The following MAGEL2 variants were observed in gnomAD, a reference collection of about 807,000 sequenced individuals.
The protein encoded by MAGEL2 is MAGE-like protein 2.
For missense variants in MAGEL2, 1,830 were observed against 1,699.2 expected, an observed-to-expected ratio of 1.08 and a Z score of -1.35; for synonymous variants, 792 against 721.7, an observed-to-expected ratio of 1.10 and a Z score of -1.56.
In MAGEL2 at chr15:23,647,577, C is replaced by A; in HGVS notation, c.166G>T (p.Ala56Ser). The A allele has an allele frequency of 6.5e-7, 1 of 1,536,062 alleles. No individual in the cohort carries two copies. The highest frequency in any genetic ancestry group is 8.7e-7 in the Non-Finnish European group (1 of 1,146,722). Residue 56 changes from alanine (A) to serine (S), a missense_variant, in exon 1 of 1, where the codon GCC (alanine) becomes TCC (serine). Physicochemically the swap from Ala to Ser is moderately conservative, Grantham distance 99. Coordinates refer to ENST00000650528, the MANE Select transcript of MAGEL2 (RefSeq NM_019066.5). ...PPPIDLQASL[A>S]AWQAPQPAWE... The stretch of plus-strand genomic sequence containing the variant: ...GCAGGCTGAGGTGCCTGCCAAGCGG[C>A]CAATGAAGCCTGCAAGTCAATTGGA...
At position 23,644,684 on chromosome 15, in the gene MAGEL2, A is replaced by G. The variant is rs1419289644; in HGVS notation, c.3059T>C (p.Leu1020Ser). The G allele has an allele frequency of 3.7e-6, 6 of 1,613,696 alleles. No homozygotes were observed. Among genetic ancestry groups the G allele is most frequent in the Non-Finnish European group, 4.2e-6 (5 of 1,179,856 alleles). Residue 1020 changes from leucine (L) to serine (S), a missense_variant, in exon 1 of 1, where the codon TTG becomes TCG. Coordinates refer to ENST00000650528, the MANE Select transcript of MAGEL2 (RefSeq NM_019066.5). ...CACCAACGCATTTGCCCTCTCATCCAAGGGAGACAAGGGCTGTGCCTCCAC... is the reference window on the plus strand; with the variant it reads ...CACCAACGCATTTGCCCTCTCATCCGAGGGAGACAAGGGCTGTGCCTCCAC... ...SKVEAQPLSP[L>S]DERANALVQF...
rs905538109 is a variant in MAGEL2 at position 23,646,335 on chromosome 15, G to C, written c.1408C>G (p.Pro470Ala). The C allele has an allele frequency of 7.3e-7, 1 of 1,376,014 alleles. No individual in the cohort carries two copies. The highest frequency in any genetic ancestry group is 1.7e-5 in the South Asian group (1 of 57,676). The allele number at this position is 1,376,014 out of a possible 1,614,324, so 85.2% of individuals were successfully genotyped here. A position where few individuals can be genotyped will look rare whatever the true frequency, so the allele number is the denominator to read the frequency against. The change falls in exon 1 of 1, where the codon CCT becomes GCT. Residue 470 changes from proline (P) to alanine (A), a missense_variant. Pro to Ala is a conservative substitution (Grantham distance 27). Transcript: ENST00000650528. This position sits in a 1 kb window ranked among gnomAD's most constrained non-coding sequence, Gnocchi z 4.2. The part of the protein sequence containing the change: ...QAPAVIRQAP[P>A]VIRQAPPVIR... ...ACAGGTGGGGCCTGGCGGATCACAG[G>C]TGGGGCCTGGCGGATCACAGCGGGG...
Position 23,644,998 on chromosome 15 carries a change from C to A in MAGEL2, c.2745G>T (p.Glu915Asp), listed in dbSNP as rs781054761. The change falls in exon 1 of 1, where the codon GAG (glutamate) becomes GAT (aspartate). Residue 915 changes from glutamate (E) to aspartate (D), a missense_variant. Coordinates refer to ENST00000650528, the MANE Select transcript of MAGEL2 (RefSeq NM_019066.5). ...FHDWQGPRPW[E>D]NLNLSDWEVQ... ...CCTCCCAGTCACTCAGATTTAGATT[C>A]TCCCAGGGCCTTGGGCCCTGCCAGT... is the stretch of plus-strand genomic sequence containing the variant. 9.3e-6 allele frequency: 15 copies of A among 1,613,932 alleles called. No individual in the cohort carries two copies. Among genetic ancestry groups the A allele is most frequent in the Admixed American group, 1.7e-5 (1 of 60,026 alleles).
chr15:23,646,510 C>T lies in MAGEL2; in HGVS notation c.1233G>A (p.Gln411=), dbSNP rs1890409092. ...VTWQVPPPMR[Q]GPPPIRPGPP... is the part of the protein sequence containing the mutation. ...GGCCAGGGCGGATGGGCGGGGGCCC[C>T]TGGCGCATGGGCGGCGGCACCTGCC... Residue 411 remains glutamine, a synonymous_variant, in exon 1 of 1, where the codon CAG becomes CAA. Transcript: ENST00000650528. This position sits in a 1 kb window ranked among gnomAD's most constrained non-coding sequence, Gnocchi z 4.2. 6 of 1,460,358 alleles carry T rather than the reference C, an allele frequency of 4.1e-6. No homozygotes were observed. The highest frequency in any genetic ancestry group is 2.9e-5 in the African/African-American group (2 of 70,144). The allele number at this position is 1,460,358 out of a possible 1,614,324, so 90.5% of individuals were successfully genotyped here.
chr15:23,646,371 T>A lies in MAGEL2; in HGVS notation c.1372A>T (p.Ile458Phe). 1 of 1,378,016 alleles carries A rather than the reference T, an allele frequency of 7.3e-7. No homozygotes were observed. Among genetic ancestry groups the A allele is most frequent in the Admixed American group, 3.6e-5 (1 of 27,860 alleles). The allele number at this position is 1,378,016 out of a possible 1,614,324, so 85.4% of individuals were successfully genotyped here. ...CGGATCACAGCGGGGGCCTGGCGGA[T>A]CACGGGTGGGGCCTGGCGGATCACG... Reference protein sequence around the residue: ...PPVIRQAPPVIRQAPAVIRQA... With the variant: ...PPVIRQAPPVFRQAPAVIRQA... Residue 458 changes from isoleucine (I) to phenylalanine (F), a missense_variant, in exon 1 of 1, where the codon ATC (isoleucine) becomes TTC (phenylalanine). Physicochemically the swap from Ile to Phe is conservative, Grantham distance 21. Coordinates refer to ENST00000650528, the MANE Select transcript of MAGEL2 (RefSeq NM_019066.5). This position sits in a 1 kb window ranked among gnomAD's most constrained non-coding sequence, Gnocchi z 4.2.
chr15:23,646,502 G>T lies in MAGEL2; in HGVS notation c.1241C>A (p.Pro414Gln), dbSNP rs1454628861. Residue 414 changes from proline (P) to glutamine (Q), a missense_variant, in exon 1 of 1, where the codon CCG becomes CAG. Physicochemically the swap from Pro to Gln is moderately conservative, Grantham distance 76 (BLOSUM62 -1). Coordinates refer to ENST00000650528, the MANE Select transcript of MAGEL2 (RefSeq NM_019066.5). The surrounding 1 kb of genome is among the most constrained non-coding windows in gnomAD (Gnocchi z 4.2). ...GGGTGGTGGGCCAGGGCGGATGGGCGGGGGCCCCTGGCGCATGGGCGGCGG... is the reference window on the plus strand; with the variant it reads ...GGGTGGTGGGCCAGGGCGGATGGGCTGGGGCCCCTGGCGCATGGGCGGCGG... Reference protein sequence around the residue: ...QVPPPMRQGPPPIRPGPPPIR... With the variant: ...QVPPPMRQGPQPIRPGPPPIR... 3 of 1,457,386 alleles carry T rather than the reference G, an allele frequency of 2.1e-6. No homozygotes were observed. Among genetic ancestry groups the T allele is most frequent in the African/African-American group, 1.4e-5 (1 of 70,120 alleles). 90.3% of individuals were successfully genotyped at this position (1,457,386 alleles called of 1,614,324 possible).
chr15:23,645,501 C>G lies in MAGEL2; in HGVS notation c.2242G>C (p.Asp748His), dbSNP rs1197402236. The G allele has an allele frequency of 1.2e-6, 2 of 1,613,852 alleles. No homozygotes were observed. The highest frequency in any genetic ancestry group is 1.7e-6 in the Non-Finnish European group (2 of 1,179,884). ...AAGGTGGCAGCAAAGATCATGCGGT[C>G]TTTTGAAGGGGCCCTGCGCTCCTTC... ...SSKERRAPSK[D>H]RMIFAATFCA... Residue 748 changes from aspartate to histidine, a missense_variant, in exon 1 of 1, where the codon GAC becomes CAC. Asp to His is a moderately conservative substitution (Grantham distance 81). Coordinates refer to ENST00000650528, the MANE Select transcript of MAGEL2 (RefSeq NM_019066.5).
In MAGEL2 at chr15:23,645,262, A is replaced by C; in HGVS notation, c.2481T>G (p.Cys827Trp). The C allele has an allele frequency of 6.2e-7, 1 of 1,613,956 alleles. No individual in the cohort carries two copies. The highest frequency in any genetic ancestry group is 8.5e-7 in the Non-Finnish European group (1 of 1,179,882). The change falls in exon 1 of 1, where the codon TGT becomes TGG. Residue 827 changes from cysteine (C) to tryptophan (W), a missense_variant. By Grantham distance (215) the Cys-to-Trp change is radical (BLOSUM62 -2). Coordinates refer to ENST00000650528, the MANE Select transcript of MAGEL2 (RefSeq NM_019066.5). ...ATGGAACTGCAGGCAGGGCCTCTAC[A>C]CAGGCAAAGGGATCCTGCAGAGCAT... ...LPYALQDPFA[C>W]VEALPAVPWV... is the part of the protein sequence containing the mutation.
Position 23,644,938 on chromosome 15 carries a change from C to T in MAGEL2, c.2805G>A (p.Glu935=). Residue 935 remains glutamate, a synonymous_variant, in exon 1 of 1, where the codon GAG becomes GAA. Transcript: ENST00000650528. ...TCAGGCCACGGGGGGTGTTTGGGTG[C>T]TCCCAGTCACCCGAGACCTGGATAG... ...QSPIQVSGDW[E]HPNTPRGLSG... is the part of the protein sequence containing the mutation. 6.2e-7 allele frequency: 1 copy of T among 1,613,570 alleles called. No homozygotes were observed. The highest frequency in any genetic ancestry group is 1.1e-5 in the South Asian group (1 of 91,088).
chr15:23,647,269 T>C lies in MAGEL2; in HGVS notation c.474A>G (p.Pro158=), dbSNP rs750481560. Residue 158 remains proline, a synonymous_variant, in exon 1 of 1, where the codon CCA becomes CCG. Coordinates refer to ENST00000650528, the MANE Select transcript of MAGEL2 (RefSeq NM_019066.5). ...TCCCCGGAGGAGGAGGATGGGCCAT[T>C]GGGGTCCCCGGAGGGGGAGGGTGGG... ...PMSHPPPPGT[P]MAHPPPPGTP... 62 of 1,504,458 alleles carry C rather than the reference T, an allele frequency of 4.1e-5. No individual in the cohort carries two copies. The highest frequency in any genetic ancestry group is 7.7e-5 in the African/African-American group (5 of 65,332). 93.2% of individuals were successfully genotyped at this position (1,504,458 alleles called of 1,614,324 possible). A position where few individuals can be genotyped will look rare whatever the true frequency, so the allele number is the denominator to read the frequency against.
In MAGEL2 at chr15:23,644,026, G is replaced by T. The variant is rs1385124258; in HGVS notation, c.3717C>A (p.Ala1239=). 1.2e-6 allele frequency: 2 copies of T among 1,608,604 alleles called. No homozygotes were observed. The highest frequency in any genetic ancestry group is 1.7e-5 in the Admixed American group (1 of 59,662). ...GAGGGGGCCTGCTGGTGGGGCCGTG[G>T]GCACTGTCACCGGTGTCAGGTTCAT... ...DEDEPDTGDS[A]HGPTSRPPPR Residue 1239 remains alanine, a synonymous_variant, in exon 1 of 1, where the codon GCC becomes GCA. Transcript: ENST00000650528.
rs371613799 is a variant in MAGEL2 at position 23,644,615 on chromosome 15, C to T, written c.3128G>A (p.Arg1043His). The change falls in exon 1 of 1, where the codon CGC becomes CAC. Residue 1043 changes from arginine (R) to histidine (H), a missense_variant. By Grantham distance (29) the Arg-to-His change is conservative (BLOSUM62 0). Coordinates refer to ENST00000650528, the MANE Select transcript of MAGEL2 (RefSeq NM_019066.5). Reference sequence around the variant, plus strand: ...GAGGATGACTTTCACCATCTCCGAGCGCTGGACAGGCACCTTGGCTTGGTC... The same window carrying T: ...GAGGATGACTTTCACCATCTCCGAGTGCTGGACAGGCACCTTGGCTTGGTC... ...VKDQAKVPVQRSEMVKVILRE... is the reference protein window; with the variant it reads ...VKDQAKVPVQHSEMVKVILRE... The T allele has an allele frequency of 1.1e-5, 17 of 1,613,748 alleles. No individual in the cohort carries two copies. In the African/African-American group the frequency reaches 1.7e-4, roughly 16 times the overall value.
Position 23,644,152 on chromosome 15 carries a change from G to A in MAGEL2, c.3591C>T (p.Val1197=). 1 of 1,613,992 alleles carries A rather than the reference G, an allele frequency of 6.2e-7. No individual in the cohort carries two copies. Among genetic ancestry groups the A allele is most frequent in the Non-Finnish European group, 8.5e-7 (1 of 1,179,896 alleles). ...TATGGAGCTTGGCCAAAAACCTCAG[G>A]ACAAGCATCTTGCTGGTTTCCAGGA... ...RAFLETSKML[V]LRFLAKLHKK... The change falls in exon 1 of 1, where the codon GTC becomes GTT. Residue 1197 remains valine (V), a synonymous_variant. Transcript: ENST00000650528.
In MAGEL2 at chr15:23,646,396, G is replaced by GGGTGGGGCCTGGCGGATCACC. The variant is rs1566784728; in HGVS notation, c.1326_1346dup (p.Pro456_Pro462dup). On this transcript the variant is annotated inframe_insertion, in exon 1 of 1. Coordinates refer to ENST00000650528, the MANE Select transcript of MAGEL2 (RefSeq NM_019066.5). The surrounding 1 kb of genome is among the most constrained non-coding windows in gnomAD (Gnocchi z 4.2). ...TCACGGGTGGGGCCTGGCGGATCAC[G>GGGTGGGGCCTGGCGGATCACC]GGTGGGGCCTGGCGGATCACCGGTG... is the stretch of plus-strand genomic sequence containing the variant. The GGGTGGGGCCTGGCGGATCACC allele has an allele frequency of 6.5e-6, 9 of 1,377,970 alleles. No individual in the cohort carries two copies. The highest frequency in any genetic ancestry group is 3.6e-5 in the Admixed American group (1 of 28,012). 85.4% of individuals were successfully genotyped at this position (1,377,970 alleles called of 1,614,324 possible).
rs146970674 is a variant in MAGEL2 at position 23,645,462 on chromosome 15, C to T, written c.2281G>A (p.Ala761Thr). ...IFAATFCAPKAVSAARAHLPA... is the reference protein window; with the variant it reads ...IFAATFCAPKTVSAARAHLPA... ...AGGTGTGCTCGCGCAGCTGACACTG[C>T]CTTGGGAGCACAGAAGGTGGCAGCA... The change falls in exon 1 of 1, where the codon GCA becomes ACA. Residue 761 changes from alanine (A) to threonine (T), a missense_variant. By Grantham distance (58) the Ala-to-Thr change is moderately conservative. Transcript: ENST00000650528. 2 of 1,613,958 alleles carry T rather than the reference C, an allele frequency of 1.2e-6. No individual in the cohort carries two copies. The highest frequency in any genetic ancestry group is 2.2e-5 in the East Asian group (1 of 44,874).
rs772958890 is a variant in MAGEL2 at position 23,645,600 on chromosome 15, T to A, written c.2143A>T (p.Met715Leu). ...GCCCTGCATTCTCCTGATGGAGTCATCAATGATTTAGCGGAGCCCAGGGGA... is the reference window on the plus strand; with the variant it reads ...GCCCTGCATTCTCCTGATGGAGTCAACAATGATTTAGCGGAGCCCAGGGGA... Reference protein sequence around the residue: ...NFPLGSAKSLMTPSGECRASS... With the variant: ...NFPLGSAKSLLTPSGECRASS... Residue 715 changes from methionine (M) to leucine (L), a missense_variant, in exon 1 of 1, where the codon ATG becomes TTG. Physicochemically the swap from Met to Leu is conservative, Grantham distance 15 (BLOSUM62 2). Coordinates refer to ENST00000650528, the MANE Select transcript of MAGEL2 (RefSeq NM_019066.5). 3 of 1,603,262 alleles carry A rather than the reference T, an allele frequency of 1.9e-6. No individual in the cohort carries two copies. In the South Asian group the frequency reaches 3.4e-5, roughly 18 times the overall value.
chr15:23,645,130 G>A lies in MAGEL2; in HGVS notation c.2613C>T (p.Ala871=), dbSNP rs771523332. The change falls in exon 1 of 1, where the codon GCC becomes GCT. Residue 871 remains alanine (A), a synonymous_variant. Transcript: ENST00000650528. The stretch of plus-strand genomic sequence containing the variant: ...GTGGCGGCTCGACGGAGGTCTTGGA[G>A]GCCTCTTGAGTGGTGGCAGTTGCCT... ...APQATATTQE[A]SKTSVEPPRR... The A allele has an allele frequency of 3.9e-5, 63 of 1,613,662 alleles. No homozygotes were observed. The highest frequency in any genetic ancestry group is 5.0e-5 in the Non-Finnish European group (59 of 1,179,912).
At position 23,644,022 on chromosome 15, in the gene MAGEL2, C is replaced by G. The variant is rs555657199; in HGVS notation, c.3721G>C (p.Gly1241Arg). 1.2e-6 allele frequency: 2 copies of G among 1,607,292 alleles called. No individual in the cohort carries two copies. The highest frequency in any genetic ancestry group is 4.5e-5 in the East Asian group (2 of 44,742). ...CGGGGAGGGGGCCTGCTGGTGGGGC[C>G]GTGGGCACTGTCACCGGTGTCAGGT... ...DEPDTGDSAH[G>R]PTSRPPPR Residue 1241 changes from glycine (G) to arginine (R), a missense_variant, in exon 1 of 1, where the codon GGC becomes CGC. Transcript: ENST00000650528.
rs1425667246 is a variant in MAGEL2, at chr15:23,643,987, C to T, written c.*6G>A. Reference sequence around the variant, plus strand: ...AAACACAGGAGCGAGATCTCTGCTACACCTATTAGCGGGGAGGGGGCCTGC... The same window carrying T: ...AAACACAGGAGCGAGATCTCTGCTATACCTATTAGCGGGGAGGGGGCCTGC... On this transcript the variant is annotated 3_prime_UTR_variant, in exon 1 of 1. Coordinates refer to ENST00000650528, the MANE Select transcript of MAGEL2 (RefSeq NM_019066.5). The T allele has an allele frequency of 1.3e-6, 2 of 1,582,190 alleles. No homozygotes were observed. Among genetic ancestry groups the T allele is most frequent in the Middle Eastern group, 1.7e-4 (1 of 5,878 alleles).
Sources: gnomAD v4.1 joint callset for allele counts on GRCh38, gnomAD v4.1.1 for gene constraint, Gnocchi (gnomAD v3.1) non-coding constraint, MANE v1.5 for transcripts, NCBI Gene and HGNC (gene_info 2026-07-23, HGNC 2026-07-21) for gene names.